The following XKR9 variants were observed in gnomAD, a reference collection of about 807,000 sequenced individuals.
XKR9 encodes XK related 9.
XKR9 carries 32 observed loss-of-function variants against 32.0 expected under a neutral mutation model. That is an observed-to-expected ratio of 1.00 (90% CI 0.76 to 1.34). The LOEUF is 1.34. Among genes scored for constraint, XKR9 ranks in the 40% most tolerant of loss-of-function variants. The pLI is 0.00. For synonymous variants in XKR9, 168 were observed against 143.4 expected, an observed-to-expected ratio of 1.17 and a Z score of -1.22; for missense variants, 546 against 429.7, an observed-to-expected ratio of 1.27 and a Z score of -2.39.
downstream of XKR9, among the ~76,000 whole-genome samples, chr8:70,737,377 A>T (rs1377198452): frequency 6.7e-6 from 1 of 148,244 alleles, no homozygotes; most frequent in South Asian, 2.1e-4. Flanking sequence ...GGCTGAGACA[A>T]TGGGGTTTTC....
At chr8:71,001,462 T>A in the XKR9 span, among the ~76,000 whole-genome samples, 1 of 152,132 alleles carries the variant, frequency 6.6e-6, no homozygotes, top group East Asian at 1.9e-4. Context: ...AGCATTTTGC[T>A]ATGTTGCCTA....
the XKR9 span, among the ~76,000 whole-genome samples, chr8:70,887,517 G>T: frequency 6.6e-6 from 1 of 152,158 alleles, no homozygotes; most frequent in Non-Finnish European, 1.5e-5. Context: ...ACTTTGGGCA[G>T]TATGGCCATT....
chr8:70,952,085 A>G, the XKR9 span, among the ~76,000 whole-genome samples: 2 of 150,526 alleles, frequency 1.3e-5, no homozygotes, highest in African/African-American at 4.9e-5. Context: ...GTTTTGAGAC[A>G]GTGCTTTTTC....
rs577224116 is a variant in XKR9, at chr8:70,755,540, T to A, written n.353-33799T>A. On this transcript the variant is annotated intron_variant and non_coding_transcript_variant, in intron 2 of 3. Coordinates refer to the XKR9 transcript ENST00000520273. ...TCCAACAATGATAGACTGGATTAAGTAAATGTGACACATATACACCATGGA... is the reference window on the plus strand; with the variant it reads ...TCCAACAATGATAGACTGGATTAAGAAAATGTGACACATATACACCATGGA... Among the ~76,000 whole-genome samples, 302 of 151,968 alleles carry A rather than the reference T, an allele frequency of 2.0e-3. 1 individual carries two copies. The highest frequency in any genetic ancestry group is 5.9e-3 in the African/African-American group (244 of 41,380).
chr8:70,810,982 T>C, the XKR9 span, among the ~76,000 whole-genome samples: 20 of 152,250 alleles, frequency 1.3e-4, no homozygotes, highest in South Asian at 2.7e-3. Context: ...ATCAACAGAA[T>C]GTACATTCTT....
At chr8:70,797,537 C>G in the XKR9 span, among the ~76,000 whole-genome samples, 1 of 151,940 alleles carries the variant, frequency 6.6e-6, no homozygotes, top group African/African-American at 2.4e-5. Context: ...AGCCCTTGGT[C>G]TCATAGCTAC....
chr8:70,909,731 CAG>C, the XKR9 span, among the ~76,000 whole-genome samples: 1 of 59,094 alleles, frequency 1.7e-5, no homozygotes, highest in African/African-American at 5.5e-5. Context: ...TTTTTTTTAA[CAG>C]AGTCTCACTC....
the XKR9 span, among the ~76,000 whole-genome samples, chr8:70,866,491 G>A: frequency 1.3e-5 from 2 of 152,212 alleles, no homozygotes; most frequent in African/African-American, 2.4e-5. Flanking sequence ...GAATGAGCCA[G>A]TTAGCTATCT....
chr8:71,014,670 G>T, the XKR9 span, among the ~76,000 whole-genome samples: 1 of 152,134 alleles, frequency 6.6e-6, no homozygotes, highest in Non-Finnish European at 1.5e-5. Context: ...ACAGGTCCCA[G>T]GGGTTAGGAA....
At chr8:70,905,845 C>T in the XKR9 span, among the ~76,000 whole-genome samples, 1 of 152,206 alleles carries the variant, frequency 6.6e-6, no homozygotes, top group African/African-American at 2.4e-5. Context: ...TTTCTTCTAA[C>T]AGTCAAGACT....
At chr8:70,848,368 G>T in the XKR9 span, among the ~76,000 whole-genome samples, 73 of 151,986 alleles carry the variant, frequency 4.8e-4, 2 homozygotes, top group East Asian at 0.013. Context: ...ATAATTGAAG[G>T]TCTTTCCTTT....
the XKR9 span, among the ~76,000 whole-genome samples, chr8:70,904,796 G>A: frequency 5.3e-5 from 8 of 152,170 alleles, no homozygotes; most frequent in Non-Finnish European, 1.2e-4. Flanking sequence ...TCCTTTGGGA[G>A]CTCTTCTAAG....
chr8:70,972,822 C>T, the XKR9 span, among the ~76,000 whole-genome samples: 1 of 152,118 alleles, frequency 6.6e-6, no homozygotes, highest in South Asian at 2.1e-4. Context: ...CCCACTTGAT[C>T]ATGGTGGATC....
the XKR9 span, among the ~76,000 whole-genome samples, chr8:70,997,377 G>A: frequency 1.3e-5 from 2 of 151,888 alleles, no homozygotes; most frequent in Non-Finnish European, 1.5e-5. Context: ...TCTTGTGAAG[G>A]TTTTCATGTC....
the XKR9 span, among the ~76,000 whole-genome samples, chr8:70,795,796 C>T: frequency 1.3e-5 from 2 of 151,922 alleles, no homozygotes; most frequent in African/African-American, 2.4e-5. Context: ...TGAAAACTGT[C>T]TGTTCATGCC....
the XKR9 span, among the ~76,000 whole-genome samples, chr8:71,049,647 G>C: frequency 6.6e-6 from 1 of 152,294 alleles, no homozygotes; most frequent in Middle Eastern, 3.4e-3. Context: ...AAGAATGGAA[G>C]TCAGAAGGAG....
chr8:70,905,856 C>G, the XKR9 span, among the ~76,000 whole-genome samples: 2 of 152,238 alleles, frequency 1.3e-5, no homozygotes, highest in Non-Finnish European at 2.9e-5. Context: ...AGTCAAGACT[C>G]TCAGCTGCAG....
the XKR9 span, among the ~76,000 whole-genome samples, chr8:70,885,619 C>T: frequency 6.6e-6 from 1 of 151,650 alleles, no homozygotes; most frequent in African/African-American, 2.4e-5. Context: ...TTCTTTGAGA[C>T]TGCGTCTTGC....
the XKR9 span, among the ~76,000 whole-genome samples, chr8:71,006,943 C>T: frequency 1.4e-3 from 208 of 152,218 alleles, 2 homozygotes; most frequent in African/African-American, 4.6e-3. Context: ...AGTGGATGTA[C>T]GATTCCTAAA....
Sources: gnomAD v4.1 joint callset for allele counts (sites outside exome capture counted in the v4.1 genomes callset) on GRCh38, gnomAD v4.1.1 for gene constraint, MANE v1.5 for transcripts, NCBI Gene and HGNC (gene_info 2026-07-23, HGNC 2026-07-21) for gene names.